Variants in FRRS1 observed in about 807,000 individuals in gnomAD.
The protein encoded by FRRS1 is ferric chelate reductase 1, also known as ferric reductase 1.
A neutral mutation model predicts 70.7 loss-of-function variants in FRRS1; 51 were observed. The ratio of observed to expected loss-of-function variants is 0.72; its 90% CI spans 0.58 to 0.91. The LOEUF (loss-of-function observed/expected upper bound fraction) is 0.91, where lower values mean the gene tolerates loss of function less well. FRRS1 is among the 40% of genes least tolerant of loss of function. The pLI is 0.00. For missense variants in FRRS1, 672 were observed against 726.0 expected (o/e 0.93, Z 0.86); for synonymous variants, 225 against 238.7 (o/e 0.94, Z 0.53).
intron 1 of FRRS1, among the ~76,000 whole-genome samples, chr1:99,758,347 T>C (rs1256190824): frequency 6.6e-6 from 1 of 152,192 alleles, no homozygotes; most frequent in Non-Finnish European, 1.5e-5. Flanking sequence ...GAAATTGAAA[T>C]TCCAAACTGA....
intron 9 of FRRS1, among the ~76,000 whole-genome samples, chr1:99,720,305 T>C (rs111979159): frequency 2.0e-5 from 3 of 151,916 alleles, no homozygotes; most frequent in African/African-American, 7.2e-5. Flanking sequence ...TGTGTGTTCT[T>C]TCTAGGAATC....
chr1:99,711,097 G>T (rs1654252366), intron 14 of FRRS1, 148 bp from the exon 15 acceptor site: 6 of 703,446 alleles, frequency 8.5e-6, no homozygotes, highest in Non-Finnish European at 1.4e-5. Context: ...AGTTAATTCA[G>T]ACTTTTAAAA....
In FRRS1 at chr1:99,715,599, C is replaced by T. The variant is rs778861424; in HGVS notation, c.1310G>A (p.Gly437Glu). ...AGATATACTTACCCTACTCCAGCCTCCCCTGTATATAAACGGCATAACAAA... is the reference window on the plus strand; with the variant it reads ...AGATATACTTACCCTACTCCAGCCTTCCCTGTATATAAACGGCATAACAAA... Reference protein sequence around the residue: ...IAFVMPFIYRGGWSRHAGYHP... With the variant: ...IAFVMPFIYREGWSRHAGYHP... Residue 437 changes from glycine (G) to glutamate (E), a missense_variant, in exon 12 of 17, where the codon GGA (glycine) becomes GAA (glutamate). Coordinates refer to ENST00000646001, the MANE Select transcript of FRRS1 (RefSeq NM_001361041.2). 28 of 1,608,968 alleles carry T rather than the reference C, an allele frequency of 1.7e-5. No individual in the cohort carries two copies. The highest frequency in any genetic ancestry group is 2.7e-5 in the African/African-American group (2 of 74,826).
At position 99,706,066 on chromosome 1, in the gene FRRS1, G is replaced by T. The variant is rs570723999; in HGVS notation, c.*2962C>A. ...TACCAACCACCCATAAGCAGAAGAA[G>T]AATAATTTGGTTCTAATCAAAAGAT... is the stretch of plus-strand genomic sequence containing the variant. On this transcript the variant is annotated 3_prime_UTR_variant, in exon 17 of 17. Coordinates refer to ENST00000646001, the MANE Select transcript of FRRS1 (RefSeq NM_001361041.2). Among the ~76,000 whole-genome samples, 45 of 152,188 alleles carry T rather than the reference G, an allele frequency of 3.0e-4. No homozygotes were observed. The highest frequency in any genetic ancestry group is 7.0e-4 in the African/African-American group (29 of 41,524).
At chr1:99,754,545 G>T (rs1386247816) in intron 1 of FRRS1, among the ~76,000 whole-genome samples, 2 of 151,702 alleles carry the variant, frequency 1.3e-5, no homozygotes. Flanking sequence ...GATCCAGAAG[G>T]CAGAAAATCA....
At chr1:99,714,544 G>T (rs1654429492) in intron 12 of FRRS1, among the ~76,000 whole-genome samples, 2 of 152,160 alleles carry the variant, frequency 1.3e-5, no homozygotes, top group East Asian at 1.9e-4. Flanking sequence ...CACGGGCAAG[G>T]GTTGAAGTGG....
chr1:99,736,525 A>AT (rs1655664740), intron 7 of FRRS1, among the ~76,000 whole-genome samples: 1 of 151,486 alleles, frequency 6.6e-6, no homozygotes, highest in East Asian at 1.9e-4. Context: ...AAGGACAAAA[A>AT]ACCAAACACC....
In FRRS1 at chr1:99,759,382, G is replaced by A. The variant is rs572566779; in HGVS notation, c.-106+7225C>T. On this transcript the variant is annotated intron_variant, in intron 1 of 16. Transcript: ENST00000646001. Reference sequence around the variant, plus strand: ...CTTACTGAAAATAGAAAGAACCTATGTTGAAATATTGGGGGCGGGTTCCTC... The same window carrying A: ...CTTACTGAAAATAGAAAGAACCTATATTGAAATATTGGGGGCGGGTTCCTC... Among the ~76,000 whole-genome samples, 122 of 152,284 alleles carry A rather than the reference G, an allele frequency of 8.0e-4. 1 individual carries two copies. Among genetic ancestry groups the A allele is most frequent in the Non-Finnish European group, 1.5e-3 (100 of 68,026 alleles).
Position 99,704,946 on chromosome 1 carries a change from T to C in FRRS1, c.*4082A>G, listed in dbSNP as rs1832474. On this transcript the variant is annotated 3_prime_UTR_variant, in exon 17 of 17. Coordinates refer to ENST00000646001, the MANE Select transcript of FRRS1 (RefSeq NM_001361041.2). The stretch of plus-strand genomic sequence containing the variant: ...CTCAGTAAAACCTTGCACTCGTTCT[T>C]CAAGCCCAGGTGTGATCCGATTCTC... Among the ~76,000 whole-genome samples, 65,760 of 151,890 alleles carry C rather than the reference T, an allele frequency of 0.43. 14,337 individuals carry two copies. The highest frequency in any genetic ancestry group is 0.48 in the African/African-American group (20,071 of 41,398).
chr1:99,764,933 T>TCC (rs1657280214), intron 1 of FRRS1, among the ~76,000 whole-genome samples: 1 of 152,220 alleles, frequency 6.6e-6, no homozygotes, highest in Non-Finnish European at 1.5e-5. Flanking sequence ...CTAATAAATT[T>TCC]TATCATGTTT....
At chr1:99,725,482 T>C (rs1343527436) in intron 9 of FRRS1, among the ~76,000 whole-genome samples, 1 of 152,182 alleles carries the variant, frequency 6.6e-6, no homozygotes, top group Non-Finnish European at 1.5e-5. Context: ...GGGATGCCTA[T>C]AAATGCAGAT....
intron 1 of FRRS1, among the ~76,000 whole-genome samples, chr1:99,763,252 C>T (rs1329414082): frequency 6.6e-6 from 1 of 151,998 alleles, no homozygotes; most frequent in Non-Finnish European, 1.5e-5. Flanking sequence ...AATGGGACCC[C>T]TATTTTTCCC....
intron 4 of FRRS1, among the ~76,000 whole-genome samples, chr1:99,744,599 T>C (rs7553946): frequency 0.49 from 75,085 of 151,820 alleles, 22,558 homozygotes; most frequent in African/African-American, 0.85. Flanking sequence ...CCAGCCTGAC[T>C]AACATGGAGA....
rs1216418213 is a variant in FRRS1 at position 99,762,467 on chromosome 1, C to CT, written c.-106+4139dup. ...TTTTTCTCTTGGCTTTTCTTTCTTT[C>CT]TTTTTTTTTCCCTTTTTTTTTTTTG... On this transcript the variant is annotated intron_variant, in intron 1 of 16. Coordinates refer to ENST00000646001, the MANE Select transcript of FRRS1 (RefSeq NM_001361041.2). Among the ~76,000 whole-genome samples, 8 of 146,186 alleles carry CT rather than the reference C, an allele frequency of 5.5e-5. No homozygotes were observed. The East Asian group carries it at 6.1e-4, about 11-fold the overall frequency.
At chr1:99,721,724 G>A (rs951079175) in intron 9 of FRRS1, among the ~76,000 whole-genome samples, 2 of 150,694 alleles carry the variant, frequency 1.3e-5, no homozygotes, top group African/African-American at 2.4e-5. Flanking sequence ...TCAGACTCCC[G>A]AGTAGCTGGG....
At chr1:99,731,939 T>C (rs1007917317) in intron 7 of FRRS1, among the ~76,000 whole-genome samples, 8 of 152,212 alleles carry the variant, frequency 5.3e-5, no homozygotes, top group African/African-American at 1.9e-4. Flanking sequence ...GTGATGAGAC[T>C]ACAGGTGTAA....
rs1208338262 is a variant in FRRS1, at chr1:99,721,382, G to A, written c.1007-1735C>T. On this transcript the variant is annotated intron_variant, in intron 9 of 16. Coordinates refer to ENST00000646001, the MANE Select transcript of FRRS1 (RefSeq NM_001361041.2). ...AGACTGCGAGATAGAGCAAGACTCC[G>A]TCTCAATAAAAAAAAAAAAAAAAGG... is the stretch of plus-strand genomic sequence containing the variant. 1.9e-4 allele frequency among the ~76,000 whole-genome samples: 27 copies of A among 144,992 alleles called. 1 individual carries two copies. Among genetic ancestry groups the A allele is most frequent in the African/African-American group, 7.7e-5 (3 of 39,090 alleles).
At chr1:99,729,599 C>A (rs1008362130) in intron 8 of FRRS1, 51 bp downstream of exon 8, 1 of 1,148,882 alleles carries the variant, frequency 8.7e-7, no homozygotes, top group South Asian at 1.3e-5. Flanking sequence ...GATAGCCACA[C>A]AGCCGGAAAG....
At chr1:99,756,225 C>A (rs538947754) in intron 1 of FRRS1, among the ~76,000 whole-genome samples, 8 of 152,038 alleles carry the variant, frequency 5.3e-5, no homozygotes, top group African/African-American at 1.7e-4. Flanking sequence ...ACAAAATAGA[C>A]GATAAAACAA....
Sources: gnomAD v4.1 joint callset for allele counts (sites outside exome capture counted in the v4.1 genomes callset) on GRCh38, gnomAD v4.1.1 for gene constraint, MANE v1.5 for transcripts, NCBI Gene and HGNC (gene_info 2026-07-23, HGNC 2026-07-21) for gene names.